The following TSHZ3 variants were observed in gnomAD, a reference collection of about 807,000 sequenced individuals.
TSHZ3 encodes the protein teashirt homolog 3.
TSHZ3 carries 10 observed loss-of-function variants against 64.5 expected under a neutral mutation model. The observed-to-expected ratio is 0.16, with a 90% CI of 0.10 to 0.26. The LOEUF (loss-of-function observed/expected upper bound fraction) is 0.26, where lower values mean the gene tolerates loss of function less well. Among genes scored for constraint, TSHZ3 ranks in the 10% least tolerant of loss-of-function variants. The probability of loss-of-function intolerance (pLI) is 1.00; values close to 1 mark genes in which losing one functional copy is unlikely to be tolerated. For synonymous variants in TSHZ3, 608 were observed against 593.1 expected, an observed-to-expected ratio of 1.03 and a Z score of -0.36; for missense variants, 1,242 against 1,421.7, an observed-to-expected ratio of 0.87 and a Z score of 2.03.
chr19:31,230,545 G>A (rs1012804905), intron 3 of TSHZ3, among the ~76,000 whole-genome samples: 7 of 151,918 alleles, frequency 4.6e-5, no homozygotes, highest in South Asian at 2.1e-4. Context: ...AAGCTTTTTC[G>A]GGGAAATTCT....
chr19:31,170,016 T>C (rs984276409), intron 5 of TSHZ3, among the ~76,000 whole-genome samples: 4 of 152,176 alleles, frequency 2.6e-5, no homozygotes, highest in African/African-American at 9.7e-5. Flanking sequence ...GCTGAATGGC[T>C]AACAAGCAAG....
chr19:31,189,048 TTAGATA>T (rs1303693531), intron 5 of TSHZ3, among the ~76,000 whole-genome samples: 2 of 151,972 alleles, frequency 1.3e-5, no homozygotes, highest in African/African-American at 2.4e-5. Context: ...TTGTTAAATA[TTAGATA>T]TAAAGTTGTT....
downstream of TSHZ3, among the ~76,000 whole-genome samples, chr19:31,274,423 A>C (rs1976189802): frequency 6.6e-6 from 1 of 152,098 alleles, no homozygotes; most frequent in Admixed American, 6.5e-5. Context: ...GGCTGTTTTA[A>C]CACAGGAGGG....
chr19:31,261,440 G>A (rs1041683580), intron 1 of TSHZ3, among the ~76,000 whole-genome samples: 7 of 152,162 alleles, frequency 4.6e-5, no homozygotes, highest in African/African-American at 1.7e-4. Context: ...CCCAAGGAAG[G>A]AATAAAGAAG....
chr19:31,259,842 C>T (rs1183874546), intron 1 of TSHZ3, among the ~76,000 whole-genome samples: 1 of 152,142 alleles, frequency 6.6e-6, no homozygotes, highest in South Asian at 2.1e-4. Context: ...ATCACATCTC[C>T]AGCCCAGGCC....
At chr19:31,225,801 C>T (rs1975451712) in intron 4 of TSHZ3, among the ~76,000 whole-genome samples, 1 of 152,078 alleles carries the variant, frequency 6.6e-6, no homozygotes, top group Non-Finnish European at 1.5e-5. Flanking sequence ...CTGCTGTTGC[C>T]TTATCTCCTT....
intron 1 of TSHZ3, among the ~76,000 whole-genome samples, chr19:31,323,706 C>T (rs1916844006): frequency 6.6e-6 from 1 of 152,076 alleles, no homozygotes; most frequent in South Asian, 2.1e-4. Flanking sequence ...AAGAAGTTGG[C>T]TTCAGGTGCA....
chr19:31,188,391 A>T (rs1008362996), intron 5 of TSHZ3, among the ~76,000 whole-genome samples: 63 of 152,062 alleles, frequency 4.1e-4, no homozygotes, highest in African/African-American at 1.5e-3. Flanking sequence ...GTACTGGCTA[A>T]ACCCTCCAGT....
intron 1 of TSHZ3, among the ~76,000 whole-genome samples, chr19:31,253,941 A>G (rs1002480547): frequency 6.6e-6 from 1 of 152,216 alleles, no homozygotes; most frequent in African/African-American, 2.4e-5. Flanking sequence ...TTTCACATCC[A>G]GCTGTCAAAG....
intron 3 of TSHZ3, among the ~76,000 whole-genome samples, chr19:31,230,624 C>G (rs1975526206): frequency 6.7e-6 from 1 of 150,360 alleles, no homozygotes; most frequent in Non-Finnish European, 1.5e-5. Context: ...TAGGAGAAGA[C>G]AACCCACCTC....
chr19:31,212,368 G>A (rs1016618139), intron 4 of TSHZ3, among the ~76,000 whole-genome samples: 7 of 152,088 alleles, frequency 4.6e-5, no homozygotes, highest in African/African-American at 1.7e-4. Context: ...TGAGGCTGGA[G>A]AATCACTTGA....
chr19:31,164,505 C>T (rs1416112576), intron 5 of TSHZ3, among the ~76,000 whole-genome samples: 1 of 152,180 alleles, frequency 6.6e-6, no homozygotes, highest in African/African-American at 2.4e-5. Context: ...GCACACACTC[C>T]ATACACATTT....
chr19:31,243,118 T>C (rs1436649390), intron 1 of TSHZ3, among the ~76,000 whole-genome samples: 1 of 152,188 alleles, frequency 6.6e-6, no homozygotes, highest in East Asian at 1.9e-4. Flanking sequence ...CACACCCTCC[T>C]AAACCAACCT....
chr19:31,187,531 T>C lies in TSHZ3; in HGVS notation n.809+17425A>G, dbSNP rs370215299. ...ACTGAAAGGTAGTCAAATAATATAT[T>C]CTCCTGTGTTTATTTATAAGACCTT... On this transcript the variant is annotated intron_variant and non_coding_transcript_variant, in intron 5 of 6. Transcript: ENST00000651361. Among the ~76,000 whole-genome samples the C allele has an allele frequency of 3.9e-5, 6 of 152,290 alleles. No individual in the cohort carries two copies. In the East Asian group the frequency reaches 5.8e-4, roughly 15 times the overall value.
Position 31,279,149 on chromosome 19 carries a change from C to A in TSHZ3, c.644G>T (p.Arg215Leu). The change falls in exon 2 of 2, where the codon CGC becomes CTC. Residue 215 changes from arginine to leucine, a missense_variant. Arg to Leu is a moderately radical substitution (Grantham distance 102). This residue lies in a region of TSHZ3 where 555 missense variants were observed against 704.0 expected (regional missense o/e 0.79). Coordinates refer to ENST00000240587, the MANE Select transcript of TSHZ3 (RefSeq NM_020856.4). The surrounding 1 kb of genome is among the most constrained non-coding windows in gnomAD (Gnocchi z 6.4). ...GSIFTGASKF[R>L]CKDCSAAYDT... ...GTAGGCAGCGCTGCAGTCCTTACAG[C>A]GGAACTTGCTGGCCCCCGTGAAGAT... 1.9e-6 allele frequency: 3 copies of A among 1,612,930 alleles called. No individual in the cohort carries two copies. The highest frequency in any genetic ancestry group is 2.5e-6 in the Non-Finnish European group (3 of 1,179,098).
At chr19:31,337,031 T>TTA (rs59129062) in intron 1 of TSHZ3, among the ~76,000 whole-genome samples, 1 of 140,872 alleles carries the variant, frequency 7.1e-6, no homozygotes, top group Non-Finnish European at 1.5e-5. Context: ...TTTTTTTTTT[T>TTA]ACAGGCAACC....
chr19:31,164,118 G>A (rs1055176233), intron 5 of TSHZ3, among the ~76,000 whole-genome samples: 4 of 152,096 alleles, frequency 2.6e-5, no homozygotes, highest in Admixed American at 6.5e-5. Flanking sequence ...TGGTGGTCAG[G>A]GACAGCCAGA....
In TSHZ3 at chr19:31,196,081, G is replaced by C. The variant is rs144542691; in HGVS notation, n.809+8875C>G. The stretch of plus-strand genomic sequence containing the variant: ...ATAAGGCATGACATTGTGTGTGTAT[G>C]TGTGTGTGTGTATGTATACATGTAT... On this transcript the variant is annotated intron_variant and non_coding_transcript_variant, in intron 5 of 6. Transcript: ENST00000651361. Among the ~76,000 whole-genome samples, 303 of 151,612 alleles carry C rather than the reference G, an allele frequency of 2.0e-3. 2 individuals are homozygous for C. The highest frequency in any genetic ancestry group is 0.017 in the Middle Eastern group (5 of 294).
chr19:31,193,210 A>G (rs149224752), intron 5 of TSHZ3, among the ~76,000 whole-genome samples: 1 of 152,060 alleles, frequency 6.6e-6, no homozygotes, highest in Non-Finnish European at 1.5e-5. Context: ...TCCCATACAT[A>G]TGACGCGACA....
Sources: gnomAD v4.1 joint callset for allele counts (sites outside exome capture counted in the v4.1 genomes callset) on GRCh38, gnomAD v4.1.1 for gene constraint, gnomAD v4.1.1 regional missense constraint, Gnocchi (gnomAD v3.1) non-coding constraint, MANE v1.5 for transcripts, NCBI Gene and HGNC (gene_info 2026-07-23, HGNC 2026-07-21) for gene names.